ZNF248: variants seen among roughly 807,000 people sequenced by gnomAD.
ZNF248 encodes zinc finger protein 248.
In ZNF248, 20 loss-of-function variants were observed where a neutral mutation model predicts 44.3. The observed-to-expected ratio is 0.45, with a 90% CI of 0.32 to 0.66. ZNF248 has a LOEUF of 0.66. ZNF248 is among the 30% of genes least tolerant of loss of function. The pLI is 0.04. For synonymous variants in ZNF248, 224 were observed against 229.0 expected (o/e 0.98, Z 0.20); for missense variants, 654 against 677.0 (o/e 0.97, Z 0.38).
chr10:37,785,365 C>G (rs1271282536), intron 6 of ZNF248, among the ~76,000 whole-genome samples: 1 of 152,178 alleles, frequency 6.6e-6, no homozygotes, highest in Non-Finnish European at 1.5e-5. Flanking sequence ...GTGACTACAG[C>G]TGCCCATGAT....
rs11011380 is a variant in ZNF248 at position 37,841,472 on chromosome 10, T to C, written c.16-3361A>G. Reference sequence around the variant, plus strand: ...CCAAAAAAAAAAAAAAAGGTAGTGTTGGATTATAACCAAAGTATAAAATAA... The same window carrying C: ...CCAAAAAAAAAAAAAAAGGTAGTGTCGGATTATAACCAAAGTATAAAATAA... On this transcript the variant is annotated intron_variant, in intron 3 of 5. Coordinates refer to ENST00000395867, the MANE Select transcript of ZNF248 (RefSeq NM_021045.3). Among the ~76,000 whole-genome samples, 974 of 149,420 alleles carry C rather than the reference T, an allele frequency of 6.5e-3. 4 individuals carry two copies. The highest frequency in any genetic ancestry group is 0.016 in the African/African-American group (649 of 40,964).
chr10:37,759,918 CCG>C, the ZNF248 span, among the ~76,000 whole-genome samples: 1 of 152,134 alleles, frequency 6.6e-6, no homozygotes, highest in African/African-American at 2.4e-5. Flanking sequence ...TGTGGAAGAA[CCG>C]CTAGGCAGGG....
At chr10:37,765,790 G>A in the ZNF248 span, among the ~76,000 whole-genome samples, 1 of 152,208 alleles carries the variant, frequency 6.6e-6, no homozygotes, top group African/African-American at 2.4e-5. Flanking sequence ...CACCATGCGT[G>A]AGCTGAAGCA....
At chr10:37,766,874 G>GA in the ZNF248 span, among the ~76,000 whole-genome samples, 2,387 of 151,938 alleles carry the variant, frequency 0.016, 32 homozygotes, top group Non-Finnish European at 0.023. Flanking sequence ...TAAAAACTGT[G>GA]AAAAAAAATT....
chr10:37,830,899 A>T lies in ZNF248; in HGVS notation c.*716T>A. On this transcript the variant is annotated 3_prime_UTR_variant, in exon 6 of 6. Transcript: ENST00000395867. ...TACCTTTGTTTTTAACTGTAAGTTTACATATTTTAAATAATGACTGCTTTT... is the reference window on the plus strand; with the variant it reads ...TACCTTTGTTTTTAACTGTAAGTTTTCATATTTTAAATAATGACTGCTTTT... The T allele has an allele frequency of 4.3e-6, 1 of 231,948 alleles. No homozygotes were observed. Among genetic ancestry groups the T allele is most frequent in the Non-Finnish European group, 7.5e-6 (1 of 133,428 alleles). The allele number at this position is 231,948 out of a possible 1,614,324, so 14.4% of individuals were successfully genotyped here.
At chr10:37,852,695 A>AATATGTATTTATATATGTAAT in intron 3 of ZNF248, among the ~76,000 whole-genome samples, 1 of 148,738 alleles carries the variant, frequency 6.7e-6, no homozygotes, top group Middle Eastern at 3.6e-3. Context: ...ATATATGTAA[A>AATATGTATTTATATATGTAAT]ATATGTATTT....
rs890340331 is a variant in ZNF248 at position 37,852,209 on chromosome 10, T to C, written c.15+4087A>G. ...TTGCAGTGAGCCGAGATCTTGCCAT[T>C]GCACTCCAGCCTGGGTAACAAGAGT... On this transcript the variant is annotated intron_variant, in intron 3 of 5. Coordinates refer to ENST00000395867, the MANE Select transcript of ZNF248 (RefSeq NM_021045.3). Among the ~76,000 whole-genome samples the C allele has an allele frequency of 2.6e-5, 4 of 151,672 alleles. No individual in the cohort carries two copies. The South Asian group carries it at 8.3e-4, about 32-fold the overall frequency.
At chr10:37,818,635 A>T in intron 6 of ZNF248, 1 of 494,754 alleles carries the variant, frequency 2.0e-6, no homozygotes, top group Admixed American at 2.7e-5. Flanking sequence ...GACACCCCAA[A>T]GGTTGATGCA....
At chr10:37,773,103 G>A (rs752512902), downstream of ZNF248, among the ~76,000 whole-genome samples, 1 of 152,132 alleles carries the variant, frequency 6.6e-6, no homozygotes, top group African/African-American at 2.4e-5. Flanking sequence ...AAAATTAGCT[G>A]GGCGTGGTGG....
At chr10:37,781,002 G>A (rs2047247360) in intron 6 of ZNF248, among the ~76,000 whole-genome samples, 1 of 152,154 alleles carries the variant, frequency 6.6e-6, no homozygotes, top group South Asian at 2.1e-4. Context: ...GGGACCATTC[G>A]GGACACGTGA....
chr10:37,857,830 C>A (rs1163015026), upstream of ZNF248: 1 of 152,520 alleles, frequency 6.6e-6, no homozygotes, highest in African/African-American at 2.4e-5. Context: ...CCCCGGGAGC[C>A]CCGGAACTCG....
intron 6 of ZNF248, chr10:37,818,727 G>A (rs1589420009): frequency 6.7e-6 from 4 of 601,464 alleles, no homozygotes; most frequent in Admixed American, 2.5e-5. Context: ...CCAGTTGCTG[G>A]GCATCAATGC....
chr10:37,803,038 G>A (rs1589228522), intron 6 of ZNF248: 1 of 152,168 alleles, frequency 6.6e-6, no homozygotes, highest in East Asian at 1.9e-4. Context: ...TGCCCAAGCT[G>A]GTCTTGAATT....
At chr10:37,792,595 C>G (rs1488652516) in intron 6 of ZNF248, among the ~76,000 whole-genome samples, 2 of 152,114 alleles carry the variant, frequency 1.3e-5, no homozygotes, top group Non-Finnish European at 2.9e-5. Context: ...ATCAAGTGAT[C>G]AAAGTTAGCA....
At chr10:37,853,219 T>C (rs1268499019) in intron 3 of ZNF248, among the ~76,000 whole-genome samples, 3 of 151,830 alleles carry the variant, frequency 2.0e-5, no homozygotes, top group Non-Finnish European at 2.9e-5. Context: ...ACAGGATAAA[T>C]ATAGAGAAAA....
chr10:37,797,522 C>T (rs2049296444), intron 6 of ZNF248, among the ~76,000 whole-genome samples: 1 of 152,094 alleles, frequency 6.6e-6, no homozygotes, highest in Non-Finnish European at 1.5e-5. Flanking sequence ...AGACATCCCA[C>T]AGAATGGGAA....
chr10:37,794,777 T>G (rs2048943019), intron 6 of ZNF248: 1 of 159,112 alleles, frequency 6.3e-6, no homozygotes, highest in Non-Finnish European at 1.4e-5. Context: ...TGATGCACAC[T>G]CAGTGTTGAT....
At chr10:37,841,222 A>G (rs1342079979) in intron 3 of ZNF248, among the ~76,000 whole-genome samples, 1 of 152,160 alleles carries the variant, frequency 6.6e-6, no homozygotes, top group East Asian at 1.9e-4. Flanking sequence ...ATTTCTAAAG[A>G]TGTGTATTTA....
chr10:37,767,142 A>G, the ZNF248 span, among the ~76,000 whole-genome samples: 9,113 of 152,272 alleles, frequency 0.06, 347 homozygotes, highest in Middle Eastern at 0.092. Flanking sequence ...CCAAATCTAC[A>G]TCTGATTGGT....
Sources: gnomAD v4.1 joint callset for allele counts (sites outside exome capture counted in the v4.1 genomes callset) on GRCh38, gnomAD v4.1.1 for gene constraint, MANE v1.5 for transcripts, NCBI Gene and HGNC (gene_info 2026-07-23, HGNC 2026-07-21) for gene names.